The following ASMTL variants were observed in gnomAD, a reference collection of about 807,000 sequenced individuals.
The protein encoded by ASMTL is acetylserotonin O-methyltransferase like, also known as probable bifunctional dTTP/UTP pyrophosphatase/methyltransferase protein.
A neutral mutation model predicts 60.3 loss-of-function variants in ASMTL; 57 were observed. The ratio of observed to expected loss-of-function variants is 0.95; its 90% CI spans 0.76 to 1.18. The LOEUF (loss-of-function observed/expected upper bound fraction) is 1.18. Ranked by LOEUF, ASMTL falls within the 50% of genes most tolerant of loss-of-function variation. ASMTL has a pLI of 0.00. For synonymous variants in ASMTL, 419 were observed against 373.0 expected (o/e 1.12, Z -1.42); for missense variants, 981 against 852.6 (o/e 1.15, Z -1.88).
intron 10 of ASMTL, among the ~76,000 whole-genome samples, chrX:1,418,573 G>A (rs2090384075): frequency 6.6e-6 from 1 of 152,100 alleles, no homozygotes; most frequent in Non-Finnish European, 1.5e-5. Context: ...TTCAGAGGTT[G>A]GGGAAATGTA....
intron 8 of ASMTL, among the ~76,000 whole-genome samples, chrX:1,423,366 G>T (rs143828925): frequency 0.016 from 2,503 of 152,164 alleles, 37 homozygotes; most frequent in Middle Eastern, 0.031. Context: ...ACAGCCTTTG[G>T]AGCCTCAACC....
intron 6 of ASMTL, 85 bp downstream of exon 6, chrX:1,432,184 C>G (rs1194442615): frequency 1.7e-5 from 20 of 1,184,860 alleles, no homozygotes; most frequent in African/African-American, 6.1e-5. Flanking sequence ...CCTTCTTTCC[C>G]AAAGGCTGGG....
chrX:1,451,696 TCTC>T (rs2091391192), intron 1 of ASMTL, among the ~76,000 whole-genome samples: 1 of 53,266 alleles, frequency 1.9e-5, no homozygotes, highest in Non-Finnish European at 3.9e-5. Context: ...GTTACTCTCC[TCTC>T]CCCCATCCCT....
At chrX:1,452,144 A>AT (rs2091409545) in intron 1 of ASMTL, among the ~76,000 whole-genome samples, 1 of 103,584 alleles carries the variant, frequency 9.7e-6, no homozygotes. Context: ...CCCCATCCCT[A>AT]GGGGTCCCGG....
chrX:1,422,643 CAG>C (rs1454122614), intron 8 of ASMTL, among the ~76,000 whole-genome samples: 2 of 152,098 alleles, frequency 1.3e-5, no homozygotes, highest in Non-Finnish European at 2.9e-5. Flanking sequence ...TATATGGAAA[CAG>C]ATGGCCTCGC....
chrX:1,437,715 G>C (rs1213490800), intron 3 of ASMTL, among the ~76,000 whole-genome samples: 1 of 151,870 alleles, frequency 6.6e-6, no homozygotes, highest in East Asian at 2.0e-4. Context: ...GGCCAACATG[G>C]TGAAACCCCG....
At chrX:1,420,899 G>C (rs1347346390) in intron 9 of ASMTL, among the ~76,000 whole-genome samples, 3 of 151,788 alleles carry the variant, frequency 2.0e-5, no homozygotes, top group African/African-American at 7.3e-5. Context: ...AGGTTCAAGT[G>C]ATCTTCCCAC....
intron 8 of ASMTL, among the ~76,000 whole-genome samples, chrX:1,424,617 C>T (rs2090565410): frequency 6.6e-6 from 1 of 151,376 alleles, no homozygotes; most frequent in Admixed American, 6.6e-5. Context: ...TCCATCCACC[C>T]ATCCATCCAC....
Position 1,410,508 on chromosome X carries a change from A to G in ASMTL, c.1645+2224T>C, listed in dbSNP as rs79251386. The stretch of plus-strand genomic sequence containing the variant: ...CTGCTCACTGCAACCTTCGCCTCCC[A>G]GGTTCAAGTGATGTCCTCTCTCAGC... On this transcript the variant is annotated intron_variant, in intron 12 of 12. Transcript: ENST00000381317. Among the ~76,000 whole-genome samples, 155 of 151,434 alleles carry G rather than the reference A, an allele frequency of 1.0e-3. 1 individual carries two copies. Among genetic ancestry groups the G allele is most frequent in the Admixed American group, 2.2e-3 (33 of 15,212 alleles).
chrX:1,450,036 C>CT (rs1317065964), intron 1 of ASMTL, among the ~76,000 whole-genome samples: 3 of 150,350 alleles, frequency 2.0e-5, no homozygotes, highest in Admixed American at 6.6e-5. Flanking sequence ...AGTAACTATC[C>CT]CCCATCACCA....
chrX:1,438,414 G>C (rs28537349), intron 3 of ASMTL, among the ~76,000 whole-genome samples: 51,010 of 151,834 alleles, frequency 0.34, 9,039 homozygotes, highest in East Asian at 0.52. Flanking sequence ...CAGCCTCTAG[G>C]AGCTGGAGAA....
chrX:1,421,586 T>C, intron 9 of ASMTL, 72 bp downstream of exon 9: 1 of 1,524,234 alleles, frequency 6.6e-7, no homozygotes. Context: ...AGGTGCCTAC[T>C]GATCTGTGTG....
chrX:1,420,249 G>GT (rs1569532611), intron 9 of ASMTL, among the ~76,000 whole-genome samples: 2 of 149,526 alleles, frequency 1.3e-5, no homozygotes, highest in East Asian at 4.0e-4. Flanking sequence ...TCCCATCTCC[G>GT]TGTCTGTCTC....
At chrX:1,430,931 T>A (rs760172730) in intron 6 of ASMTL, among the ~76,000 whole-genome samples, 1 of 141,694 alleles carries the variant, frequency 7.1e-6, no homozygotes, top group Admixed American at 7.2e-5. Context: ...CATTATATAT[T>A]ATATATAACT....
At chrX:1,451,315 T>A (rs2091376908) in intron 1 of ASMTL, among the ~76,000 whole-genome samples, 1 of 130,644 alleles carries the variant, frequency 7.7e-6, no homozygotes, top group South Asian at 2.8e-4. Context: ...CCCTTCCCCA[T>A]CCCTAGGTGG....
At chrX:1,447,094 T>G (rs2091244314) in intron 1 of ASMTL, among the ~76,000 whole-genome samples, 1 of 152,218 alleles carries the variant, frequency 6.6e-6, no homozygotes, top group Non-Finnish European at 1.5e-5. Context: ...CGGGTGCTGC[T>G]TGGAAGGCCC....
chrX:1,406,559 T>G (rs2089852990), intron 12 of ASMTL, among the ~76,000 whole-genome samples: 2 of 145,442 alleles, frequency 1.4e-5, no homozygotes, highest in African/African-American at 2.6e-5. Context: ...GGTGGATGGA[T>G]GGATGGATAG....
rs1251997712 is a variant in ASMTL at position 1,432,050 on chromosome X, C to A, written c.509+219G>T. 1.2e-5 allele frequency: 7 copies of A among 594,006 alleles called. No homozygotes were observed. In the East Asian group the frequency reaches 2.0e-4, roughly 17 times the overall value. 36.8% of individuals were successfully genotyped at this position (594,006 alleles called of 1,614,324 possible). A position where few individuals can be genotyped will look rare whatever the true frequency, so the allele number is the denominator to read the frequency against. On this transcript the variant is annotated intron_variant, in intron 6 of 12. Coordinates refer to ENST00000381317, the MANE Select transcript of ASMTL (RefSeq NM_004192.4). ...ACCGCAGCCCAGCGTTGGCTCCCAC[C>A]CTGCCCCTCTCTGTCCTGGGAGTTT...
At chrX:1,412,645 G>T (rs1179527306) in intron 12 of ASMTL, 87 bp downstream of exon 12, 2 of 1,581,042 alleles carry the variant, frequency 1.3e-6, no homozygotes, top group African/African-American at 1.3e-5. Flanking sequence ...TGACAGGCGT[G>T]AGCCACCGCG....
Sources: gnomAD v4.1 joint callset for allele counts (sites outside exome capture counted in the v4.1 genomes callset) on GRCh38, gnomAD v4.1.1 for gene constraint, MANE v1.5 for transcripts, NCBI Gene and HGNC (gene_info 2026-07-23, HGNC 2026-07-21) for gene names.